The following COLQ variants were observed in gnomAD, a reference collection of about 807,000 sequenced individuals.
The protein encoded by COLQ is collagen like tail subunit of asymmetric acetylcholinesterase, also known as acetylcholinesterase collagenic tail peptide.
A neutral mutation model predicts 69.0 loss-of-function variants in COLQ; 48 were observed. The ratio of observed to expected loss-of-function variants is 0.70; its 90% CI spans 0.55 to 0.88. COLQ has a LOEUF of 0.88. COLQ is among the 40% of genes least tolerant of loss of function. The probability of loss-of-function intolerance (pLI) is 0.00; values close to 1 mark genes in which losing one functional copy is unlikely to be tolerated. For synonymous variants in COLQ, 217 were observed against 211.2 expected, an observed-to-expected ratio of 1.03 and a Z score of -0.24; for missense variants, 618 against 594.6, an observed-to-expected ratio of 1.04 and a Z score of -0.41.
At chr3:15,513,393 CAG>C (rs528317200) in intron 1 of COLQ, among the ~76,000 whole-genome samples, 128 of 152,332 alleles carry the variant, frequency 8.4e-4, no homozygotes, top group Middle Eastern at 3.4e-3. Flanking sequence ...CTTCCCACTA[CAG>C]AGTCTTGTGT....
chr3:15,470,468 G>T, intron 11 of COLQ, 68 bp downstream of exon 11: 2 of 1,403,506 alleles, frequency 1.4e-6, no homozygotes, highest in Non-Finnish European at 2.0e-6. Context: ...CCACCTGCCT[G>T]CCACTCCACA....
chr3:15,493,142 C>T (rs1296400006), intron 1 of COLQ, among the ~76,000 whole-genome samples: 1 of 152,174 alleles, frequency 6.6e-6, no homozygotes, highest in Non-Finnish European at 1.5e-5. Flanking sequence ...AGGAAGACTT[C>T]CAGACCACGA....
chr3:15,506,503 G>C (rs1049864079), intron 1 of COLQ: 3 of 152,040 alleles, frequency 2.0e-5, no homozygotes, highest in African/African-American at 7.2e-5. Flanking sequence ...GGAATATTTT[G>C]TGCATATACA....
At chr3:15,495,677 G>C (rs140861127) in intron 1 of COLQ, among the ~76,000 whole-genome samples, 10 of 152,288 alleles carry the variant, frequency 6.6e-5, no homozygotes, top group African/African-American at 2.4e-4. Flanking sequence ...CGAGCTCTGA[G>C]AGTCAGGGCA....
chr3:15,513,309 A>G (rs367991631), intron 1 of COLQ, among the ~76,000 whole-genome samples: 1 of 152,170 alleles, frequency 6.6e-6, no homozygotes, highest in East Asian at 1.9e-4. Context: ...CTCTCACACT[A>G]TCTATAGCAG....
intron 13 of COLQ, among the ~76,000 whole-genome samples, chr3:15,457,950 A>G (rs1240769456): frequency 6.6e-6 from 1 of 152,212 alleles, no homozygotes; most frequent in East Asian, 1.9e-4. Flanking sequence ...AATCTCAACC[A>G]TATAAAAGTT....
At chr3:15,479,478 A>C (rs1346883890) in intron 3 of COLQ, 96 bp from the exon 4 acceptor site, 1 of 1,219,816 alleles carries the variant, frequency 8.2e-7, no homozygotes, top group African/African-American at 1.5e-5. Flanking sequence ...CAGCAGCAAC[A>C]TCATTCTCTG....
At chr3:15,467,783 C>T (rs769806244) in intron 11 of COLQ, 1 of 441,982 alleles carries the variant, frequency 2.3e-6, no homozygotes, top group Non-Finnish European at 4.5e-6. Flanking sequence ...GAAATGTAAT[C>T]TTCCTCAAAT....
At chr3:15,489,453 G>T in intron 2 of COLQ, 72 bp downstream of exon 2, 2 of 1,385,344 alleles carry the variant, frequency 1.4e-6, no homozygotes, top group Non-Finnish European at 2.0e-6. Context: ...AGTGGGGCAG[G>T]CAGGTGGGGC....
intron 3 of COLQ, among the ~76,000 whole-genome samples, chr3:15,479,937 T>C (rs1275457631): frequency 6.6e-6 from 1 of 152,204 alleles, no homozygotes; most frequent in Non-Finnish European, 1.5e-5. Flanking sequence ...CTAAGAATGT[T>C]GGCAAGTAAA....
At chr3:15,460,987 G>A (rs1290650004) in intron 12 of COLQ, among the ~76,000 whole-genome samples, 1 of 152,142 alleles carries the variant, frequency 6.6e-6, no homozygotes, top group Non-Finnish European at 1.5e-5. Flanking sequence ...GATGAATGGT[G>A]AGGCTGAGAT....
intron 11 of COLQ, among the ~76,000 whole-genome samples, chr3:15,468,792 G>C (rs764423275): frequency 1.3e-5 from 2 of 152,126 alleles, no homozygotes; most frequent in Non-Finnish European, 2.9e-5. Context: ...TGACTTCATG[G>C]AGGGGTCTTG....
chr3:15,517,453 T>G (rs1341850731), intron 1 of COLQ, among the ~76,000 whole-genome samples: 5 of 152,180 alleles, frequency 3.3e-5, no homozygotes, highest in Non-Finnish European at 5.9e-5. Context: ...AGGCCTGCCC[T>G]CCGGTAAATA....
chr3:15,462,108 A>G (rs1223968754), intron 12 of COLQ, among the ~76,000 whole-genome samples: 1 of 151,960 alleles, frequency 6.6e-6, no homozygotes, highest in Admixed American at 6.6e-5. Flanking sequence ...GGCTCACTGT[A>G]ACCTCCGCCT....
At position 15,456,498 on chromosome 3, in the gene COLQ, G is replaced by T. The variant is rs750489224; in HGVS notation, c.1036C>A (p.Leu346Met). 3 of 1,614,208 alleles carry T rather than the reference G, an allele frequency of 1.9e-6. No individual in the cohort carries two copies. Among genetic ancestry groups the T allele is most frequent in the Non-Finnish European group, 2.5e-6 (3 of 1,180,034 alleles). ...AIAFRRDQRS[L>M]YFKDSLGWLP... ...CAGCCAAGGCTGTCCTTGAAGTACA[G>T]AGATCTCTGGTCTCTGCGGAAGGCA... The change falls in exon 14 of 17, where the codon CTG becomes ATG. Residue 346 changes from leucine (L) to methionine (M), a missense_variant. Physicochemically the swap from Leu to Met is conservative, Grantham distance 15. Transcript: ENST00000383788.
intron 16 of COLQ, among the ~76,000 whole-genome samples, chr3:15,453,287 G>T (rs1048644845): frequency 2.0e-5 from 3 of 152,330 alleles, no homozygotes; most frequent in African/African-American, 7.2e-5. Context: ...GAAATAACTA[G>T]AGGGGTCCTT....
chr3:15,464,142 G>A (rs1367567157), intron 12 of COLQ, among the ~76,000 whole-genome samples: 2 of 151,970 alleles, frequency 1.3e-5, no homozygotes, highest in Non-Finnish European at 2.9e-5. Flanking sequence ...GGAAGGAGGG[G>A]TCAGGGATGG....
intron 11 of COLQ, 113 bp downstream of exon 11, chr3:15,470,423 T>C: frequency 1.1e-6 from 1 of 943,590 alleles, no homozygotes; most frequent in East Asian, 2.4e-5. Flanking sequence ...CAGAGGATGC[T>C]GGAGTCAAGG....
intron 13 of COLQ, among the ~76,000 whole-genome samples, chr3:15,457,336 A>G (rs2062039816): frequency 6.6e-6 from 1 of 151,858 alleles, no homozygotes; most frequent in African/African-American, 2.4e-5. Context: ...AGTAAATTGT[A>G]GCACAGCCAC....
Sources: allele counts gnomAD v4.1 joint callset (sites outside exome capture counted in the v4.1 genomes callset), GRCh38; gene constraint gnomAD v4.1.1; transcripts MANE v1.5; gene names NCBI Gene and HGNC (gene_info 2026-07-23, HGNC 2026-07-21).